The following KIF13B variants were observed in gnomAD, a reference collection of about 807,000 sequenced individuals.
KIF13B encodes kinesin family member 13B.
A neutral mutation model predicts 222.0 loss-of-function variants in KIF13B; 127 were observed. The observed-to-expected ratio is 0.57, with a 90% confidence interval of 0.50 to 0.66. The LOEUF (loss-of-function observed/expected upper bound fraction) is 0.66, where lower values mean the gene tolerates loss of function less well. Ranked by LOEUF, KIF13B falls within the 30% of genes least tolerant of loss-of-function variation. The pLI is 0.00. For synonymous variants in KIF13B, 976 were observed against 919.0 expected, an observed-to-expected ratio of 1.06 and a Z score of -1.12; for missense variants, 2,173 against 2,379.0, an observed-to-expected ratio of 0.91 and a Z score of 1.80.
rs77513464 is a variant in KIF13B, at chr8:29,196,007, T to C, written c.162+180A>G. On this transcript the variant is annotated intron_variant, in intron 3 of 39. Transcript: ENST00000524189. ...TCAAAGTGCAAATACAGCTTTTCCATAAACCTCCGGCCCTTCCCATGCCAA... is the reference window on the plus strand; with the variant it reads ...TCAAAGTGCAAATACAGCTTTTCCACAAACCTCCGGCCCTTCCCATGCCAA... 6.3e-3 allele frequency among the ~76,000 whole-genome samples: 967 copies of C among 152,340 alleles called. 8 individuals are homozygous for C. The highest frequency in any genetic ancestry group is 0.022 in the African/African-American group (935 of 41,574).
intron 37 of KIF13B, among the ~76,000 whole-genome samples, chr8:29,084,216 G>A (rs1359966438): frequency 2.0e-5 from 3 of 152,072 alleles, no homozygotes; most frequent in African/African-American, 7.2e-5. Context: ...GCACCCGACC[G>A]TGTTTTCTTC....
chr8:29,187,299 G>A (rs1458570813), intron 5 of KIF13B, among the ~76,000 whole-genome samples: 3 of 152,198 alleles, frequency 2.0e-5, no homozygotes, highest in Admixed American at 1.3e-4. Context: ...AGGCCAAGGT[G>A]GGTGGATCAC....
intron 30 of KIF13B, among the ~76,000 whole-genome samples, chr8:29,118,012 G>C (rs777851926): frequency 4.6e-5 from 7 of 150,538 alleles, no homozygotes; most frequent in African/African-American, 7.4e-5. Flanking sequence ...ACAAAAATTA[G>C]CCAGGTGTGA....
chr8:29,159,472 G>A (rs933264896), intron 13 of KIF13B, among the ~76,000 whole-genome samples: 6 of 152,118 alleles, frequency 3.9e-5, no homozygotes, highest in African/African-American at 1.4e-4. Context: ...TTTTTTAATA[G>A]GCAAGGATAA....
upstream of KIF13B, chr8:29,263,094 G>A (rs918735910): frequency 8.0e-5 from 121 of 1,521,298 alleles, 2 homozygotes; most frequent in African/African-American, 1.4e-3. Flanking sequence ...GCGACTCTTC[G>A]GGGTTGACCC....
At chr8:29,171,759 C>CTTTT (rs869072795) in intron 10 of KIF13B, among the ~76,000 whole-genome samples, 3 of 128,432 alleles carry the variant, frequency 2.3e-5, no homozygotes, top group Admixed American at 8.0e-5. Flanking sequence ...TTTTTTTCTT[C>CTTTT]TTTTTTTTTT....
At chr8:29,125,632 C>T (rs537366810) in intron 26 of KIF13B, among the ~76,000 whole-genome samples, 4 of 151,998 alleles carry the variant, frequency 2.6e-5, no homozygotes, top group African/African-American at 7.2e-5. Flanking sequence ...AAAGTGACTA[C>T]ACGGATGACA....
Position 29,147,433 on chromosome 8 carries a change from C to T in KIF13B, c.1983G>A (p.Ser661=), listed in dbSNP as rs368597377. ...GTCTTAAGCGTTGCTGAGCGCTGGG[C>T]GAGTGGAAAGAAAACCTGTCCATGC... The part of the protein sequence containing the change: ...CRSMDRFSFH[S]PSAQQRLRQW... Residue 661 remains serine, a synonymous_variant, in exon 17 of 40, where the codon TCG becomes TCA. Coordinates refer to ENST00000524189, the MANE Select transcript of KIF13B (RefSeq NM_015254.4). 25 of 1,610,732 alleles carry T rather than the reference C, an allele frequency of 1.6e-5. No homozygotes were observed. The highest frequency in any genetic ancestry group is 3.3e-5 in the South Asian group (3 of 90,338).
chr8:29,153,237 T>C, intron 14 of KIF13B, among the ~76,000 whole-genome samples: 1 of 152,220 alleles, frequency 6.6e-6, no homozygotes, highest in East Asian at 1.9e-4. Context: ...AATGAAAAGA[T>C]GGTAGCAATA....
chr8:29,139,118 G>T (rs1810695436), intron 21 of KIF13B, among the ~76,000 whole-genome samples: 1 of 152,120 alleles, frequency 6.6e-6, no homozygotes, highest in African/African-American at 2.4e-5. Context: ...GAGCGAAGGT[G>T]AATGGGGATT....
At chr8:29,129,048 C>T (rs1810235146) in intron 24 of KIF13B, among the ~76,000 whole-genome samples, 1 of 152,088 alleles carries the variant, frequency 6.6e-6, no homozygotes, top group Admixed American at 6.6e-5. Flanking sequence ...TTTATTCTTG[C>T]CATTAAGTTG....
intron 37 of KIF13B, among the ~76,000 whole-genome samples, chr8:29,082,000 C>A (rs1461606220): frequency 6.6e-6 from 1 of 152,212 alleles, no homozygotes; most frequent in African/African-American, 2.4e-5. Context: ...GTCCCAAAGT[C>A]ATTCCAAGAT....
chr8:29,114,992 G>A (rs377490619), intron 31 of KIF13B, among the ~76,000 whole-genome samples: 8 of 152,198 alleles, frequency 5.3e-5, no homozygotes, highest in South Asian at 2.1e-4. Flanking sequence ...GGTGCATACC[G>A]TATACATCTA....
In KIF13B at chr8:29,075,759, A is replaced by G. The variant is rs552888270; in HGVS notation, c.4459-416T>C. On this transcript the variant is annotated intron_variant, in intron 37 of 39. Transcript: ENST00000524189. ...AGTGTAGTCACAGGAGGGGAGGAGG[A>G]AGGAGGCCAGGCTGGCTGGAGCACA... Among the ~76,000 whole-genome samples, 4 of 152,080 alleles carry G rather than the reference A, an allele frequency of 2.6e-5. 1 individual carries two copies. In the South Asian group the frequency reaches 8.3e-4, roughly 32 times the overall value.
intron 10 of KIF13B, among the ~76,000 whole-genome samples, chr8:29,171,011 G>A (rs1033759148): frequency 1.8e-4 from 28 of 152,300 alleles, no homozygotes; most frequent in African/African-American, 5.8e-4. Context: ...GAAAGATGTT[G>A]CAACCTAACC....
At chr8:29,234,846 C>A (rs1231918567) in intron 2 of KIF13B, among the ~76,000 whole-genome samples, 1 of 151,950 alleles carries the variant, frequency 6.6e-6, no homozygotes, top group African/African-American at 2.4e-5. Flanking sequence ...ATAAAAATGA[C>A]GGAATGGAAC....
chr8:29,075,236 T>TG, intron 38 of KIF13B, 45 bp downstream of exon 38: 1 of 1,509,120 alleles, frequency 6.6e-7, no homozygotes, highest in South Asian at 1.2e-5. Context: ...CAGGGCCACC[T>TG]GCTCGCTGTA....
intron 37 of KIF13B, among the ~76,000 whole-genome samples, chr8:29,076,638 G>C (rs1361461089): frequency 1.3e-5 from 2 of 152,226 alleles, no homozygotes; most frequent in African/African-American, 2.4e-5. Flanking sequence ...TACAAGCATG[G>C]AATAGCCTCG....
At chr8:29,249,904 A>C in intron 1 of KIF13B, 1 of 553,074 alleles carries the variant, frequency 1.8e-6, no homozygotes, top group East Asian at 6.9e-5. Context: ...TTTTGTCTTT[A>C]AATCTGCTCT....
Sources: allele counts gnomAD v4.1 joint callset (sites outside exome capture counted in the v4.1 genomes callset), GRCh38; gene constraint gnomAD v4.1.1; transcripts MANE v1.5; gene names NCBI Gene and HGNC (gene_info 2026-07-23, HGNC 2026-07-21).